Variants in ARL15 observed in about 807,000 individuals in gnomAD.
ARL15 encodes ARF like GTPase 15.
ARL15 carries 19 observed loss-of-function variants against 25.2 expected under a neutral mutation model. That is an observed-to-expected ratio of 0.75 (90% CI 0.53 to 1.10). The LOEUF (loss-of-function observed/expected upper bound fraction) is 1.10. Ranked by LOEUF, ARL15 falls within the 50% of genes least tolerant of loss-of-function variation. The pLI is 0.00. For synonymous variants in ARL15, 94 were observed against 86.8 expected (o/e 1.08, Z -0.46); for missense variants, 220 against 246.0 (o/e 0.89, Z 0.71).
chr5:54,216,832 C>T (rs1185034256), intron 1 of ARL15, among the ~76,000 whole-genome samples: 5 of 152,118 alleles, frequency 3.3e-5, no homozygotes, highest in South Asian at 2.1e-4. Flanking sequence ...ACCTTAGACC[C>T]GTACAAGTTA....
At chr5:54,149,275 C>T (rs1753997767) in intron 3 of ARL15, among the ~76,000 whole-genome samples, 1 of 152,132 alleles carries the variant, frequency 6.6e-6, no homozygotes, top group Non-Finnish European at 1.5e-5. Context: ...AACGCACGCA[C>T]AGTGCCAAAA....
intron 4 of ARL15, among the ~76,000 whole-genome samples, chr5:54,056,295 A>T (rs571365558): frequency 6.6e-6 from 1 of 152,240 alleles, no homozygotes; most frequent in East Asian, 1.9e-4. Context: ...CAATAATAAA[A>T]GCCACTAACA....
chr5:54,284,346 C>G (rs1758136231), intron 1 of ARL15, among the ~76,000 whole-genome samples: 1 of 152,164 alleles, frequency 6.6e-6, no homozygotes, highest in Non-Finnish European at 1.5e-5. Context: ...CTCAAGTAAT[C>G]CACCTCCCTC....
chr5:54,221,914 C>T (rs372445680), intron 1 of ARL15, among the ~76,000 whole-genome samples: 3 of 152,116 alleles, frequency 2.0e-5, no homozygotes, highest in African/African-American at 7.2e-5. Context: ...TGTGCGCACA[C>T]ATACACAGTT....
chr5:53,989,958 G>A (rs1748429826), intron 4 of ARL15, among the ~76,000 whole-genome samples: 1 of 152,176 alleles, frequency 6.6e-6, no homozygotes, highest in Admixed American at 6.5e-5. Flanking sequence ...ACAAGGCTGG[G>A]CACTGTGGCT....
chr5:54,046,580 G>GA (rs1314674852), intron 4 of ARL15, among the ~76,000 whole-genome samples: 4 of 152,006 alleles, frequency 2.6e-5, no homozygotes, highest in African/African-American at 9.7e-5. Flanking sequence ...CAGTTTGAAT[G>GA]AAAAAAAGGA....
At chr5:53,904,362 A>C (rs1049622879) in intron 4 of ARL15, among the ~76,000 whole-genome samples, 2 of 152,238 alleles carry the variant, frequency 1.3e-5, no homozygotes, top group African/African-American at 2.4e-5. Flanking sequence ...TAAGTAGTAT[A>C]AGTAAATGTG....
At chr5:53,961,528 C>T (rs1747373410) in intron 4 of ARL15, among the ~76,000 whole-genome samples, 2 of 149,104 alleles carry the variant, frequency 1.3e-5, no homozygotes, top group Admixed American at 1.3e-4. Context: ...AAATCATTCC[C>T]ATTGATTGAT....
At chr5:54,009,146 A>G (rs1264041545) in intron 4 of ARL15, among the ~76,000 whole-genome samples, 1 of 152,166 alleles carries the variant, frequency 6.6e-6, no homozygotes, top group Non-Finnish European at 1.5e-5. Flanking sequence ...CTTAATTCCC[A>G]CTGATCTTTG....
intron 1 of ARL15, 59 bp downstream of exon 1, chr5:54,310,373 G>A (rs1414640628): frequency 1.4e-5 from 22 of 1,561,686 alleles, no homozygotes; most frequent in South Asian, 8.2e-5. Context: ...CTCAAGGCAG[G>A]GGGCCATCGG....
intron 4 of ARL15, among the ~76,000 whole-genome samples, chr5:54,059,751 A>C (rs943317850): frequency 8.5e-5 from 13 of 152,178 alleles, no homozygotes; most frequent in Non-Finnish European, 1.0e-4. Flanking sequence ...TAACTTTTTA[A>C]AGGGTCCATT....
intron 4 of ARL15, among the ~76,000 whole-genome samples, chr5:53,940,719 C>A (rs1746515965): frequency 6.6e-6 from 1 of 152,146 alleles, no homozygotes; most frequent in Non-Finnish European, 1.5e-5. Flanking sequence ...ATGCCCATAA[C>A]TTCTAGAGCT....
At chr5:54,220,280 T>C (rs1303218425) in intron 1 of ARL15, among the ~76,000 whole-genome samples, 2 of 152,182 alleles carry the variant, frequency 1.3e-5, no homozygotes, top group East Asian at 3.8e-4. Context: ...TGACCTAGCA[T>C]ATGAACGTGA....
At chr5:54,080,016 CAG>C (rs1209297745) in intron 4 of ARL15, among the ~76,000 whole-genome samples, 9 of 126,942 alleles carry the variant, frequency 7.1e-5, no homozygotes, top group Admixed American at 3.3e-4. Flanking sequence ...CACACACACA[CAG>C]ACACAGATGT....
At chr5:53,992,605 A>G (rs368949611) in intron 4 of ARL15, among the ~76,000 whole-genome samples, 3 of 152,222 alleles carry the variant, frequency 2.0e-5, no homozygotes, top group Non-Finnish European at 4.4e-5. Context: ...AGGAAAAAAC[A>G]TTTTTATTTT....
chr5:54,252,855 C>T (rs1757271059), intron 1 of ARL15, among the ~76,000 whole-genome samples: 1 of 152,140 alleles, frequency 6.6e-6, no homozygotes, highest in African/African-American at 2.4e-5. Flanking sequence ...TTCCGAGCAG[C>T]TGGGACCATA....
At chr5:54,066,749 T>C (rs879283664) in intron 4 of ARL15, among the ~76,000 whole-genome samples, 2 of 152,172 alleles carry the variant, frequency 1.3e-5, no homozygotes, top group Admixed American at 6.5e-5. Context: ...AATCTTATAA[T>C]AGGGTAATGG....
intron 3 of ARL15, among the ~76,000 whole-genome samples, chr5:54,126,876 T>C (rs1753269968): frequency 6.6e-6 from 1 of 152,066 alleles, no homozygotes; most frequent in Non-Finnish European, 1.5e-5. Context: ...ATACTTTAAG[T>C]TTTAGGGTAC....
intron 4 of ARL15, among the ~76,000 whole-genome samples, chr5:53,980,968 G>A (rs1317895641): frequency 1.3e-5 from 2 of 152,026 alleles, no homozygotes; most frequent in African/African-American, 4.8e-5. Context: ...GTGACAGAGT[G>A]AGACCCAGTT....
Sources: gnomAD v4.1 joint callset for allele counts (sites outside exome capture counted in the v4.1 genomes callset) on GRCh38, gnomAD v4.1.1 for gene constraint, MANE v1.5 for transcripts, NCBI Gene and HGNC (gene_info 2026-07-23, HGNC 2026-07-21) for gene names.